The following RNF125 variants were observed in gnomAD, a reference collection of about 807,000 sequenced individuals.
RNF125 encodes E3 ubiquitin-protein ligase RNF125.
A neutral mutation model predicts 26.0 loss-of-function variants in RNF125; 21 were observed. The observed-to-expected ratio is 0.81, with a 90% CI of 0.57 to 1.16. RNF125 has a LOEUF of 1.16. Ranked by LOEUF, RNF125 falls within the 50% of genes most tolerant of loss-of-function variation. The pLI is 0.00. For synonymous variants in RNF125, 95 were observed against 109.2 expected, an observed-to-expected ratio of 0.87 and a Z score of 0.81; for missense variants, 270 against 299.4, an observed-to-expected ratio of 0.90 and a Z score of 0.72.
intron 2 of RNF125, among the ~76,000 whole-genome samples, chr18:32,041,149 A>C (rs917650398): frequency 6.6e-6 from 1 of 152,198 alleles, no homozygotes; most frequent in Non-Finnish European, 1.5e-5. Context: ...GTTTCTAATG[A>C]AACATTTAAT....
intron 4 of RNF125, among the ~76,000 whole-genome samples, chr18:32,052,415 C>G (rs2039337663): frequency 1.3e-5 from 2 of 150,808 alleles, no homozygotes; most frequent in African/African-American, 4.9e-5. Context: ...ATTGTTTGAA[C>G]CTGGGAGGTG....
intron 1 of RNF125, among the ~76,000 whole-genome samples, chr18:32,027,725 C>T (rs1173284894): frequency 2.0e-5 from 3 of 152,074 alleles, no homozygotes; most frequent in Non-Finnish European, 2.9e-5. Context: ...AAATTTTTCT[C>T]CTAAAGATTC....
chr18:32,070,657 A>G lies in RNF125; in HGVS notation c.*2273A>G, dbSNP rs2144523112. On this transcript the variant is annotated 3_prime_UTR_variant, in exon 6 of 6. Coordinates refer to ENST00000217740, the MANE Select transcript of RNF125 (RefSeq NM_017831.4). ...AAATACAACCACAAATAATATGGCAATTGAAACAATTAAAAAGTTTTCATT... is the reference window on the plus strand; with the variant it reads ...AAATACAACCACAAATAATATGGCAGTTGAAACAATTAAAAAGTTTTCATT... 1 of 152,244 alleles carries G rather than the reference A, an allele frequency of 6.6e-6. No homozygotes were observed. 9.4% of individuals were successfully genotyped at this position (152,244 alleles called of 1,614,324 possible).
At chr18:32,041,687 G>A (rs1230316043) in intron 2 of RNF125, 1 of 129,202 alleles carries the variant, frequency 7.7e-6, no homozygotes, top group Non-Finnish European at 1.6e-5. Context: ...CTGGAGTGCA[G>A]TGGCGGGATC....
chr18:32,052,144 C>T (rs147954812), intron 4 of RNF125, among the ~76,000 whole-genome samples: 9 of 151,988 alleles, frequency 5.9e-5, no homozygotes, highest in Non-Finnish European at 1.0e-4. Context: ...TGACTTGATG[C>T]GACAGTGGAG....
At chr18:32,037,754 C>A (rs1345941361) in intron 2 of RNF125, among the ~76,000 whole-genome samples, 1 of 152,088 alleles carries the variant, frequency 6.6e-6, no homozygotes, top group Non-Finnish European at 1.5e-5. Context: ...ATGCACCAAT[C>A]AGTGCTCTGT....
chr18:32,031,494 A>G (rs2039095008), intron 1 of RNF125: 1 of 149,240 alleles, frequency 6.7e-6, no homozygotes, highest in Non-Finnish European at 1.5e-5. Context: ...GGGAAAAAAA[A>G]AAAAAAAAAA....
intron 4 of RNF125, among the ~76,000 whole-genome samples, chr18:32,061,802 C>G (rs1274079492): frequency 6.6e-6 from 1 of 152,198 alleles, no homozygotes; most frequent in Non-Finnish European, 1.5e-5. Context: ...AAAGTATCTG[C>G]TTAAGTGATA....
At chr18:32,082,136 C>A in the RNF125 span, among the ~76,000 whole-genome samples, 6 of 152,032 alleles carry the variant, frequency 3.9e-5, no homozygotes, top group South Asian at 6.2e-4. Context: ...TCCCTCCTGG[C>A]AAATCAAATA....
chr18:32,042,330 T>A, intron 3 of RNF125, 57 bp downstream of exon 3: 2 of 1,097,294 alleles, frequency 1.8e-6, no homozygotes, highest in Non-Finnish European at 2.7e-6. Context: ...ATAAAGAATT[T>A]AATGGGCTGG....
At chr18:32,082,350 A>G in the RNF125 span, among the ~76,000 whole-genome samples, 2 of 152,262 alleles carry the variant, frequency 1.3e-5, no homozygotes, top group African/African-American at 4.8e-5. Flanking sequence ...ATATATATAC[A>G]TGGACACACA....
At chr18:32,079,226 G>A in the RNF125 span, among the ~76,000 whole-genome samples, 1 of 152,142 alleles carries the variant, frequency 6.6e-6, no homozygotes, top group South Asian at 2.1e-4. Context: ...TGGTGGGGAG[G>A]GAGAGAAAGA....
chr18:32,033,523 TCAA>T (rs2039120555), intron 1 of RNF125, among the ~76,000 whole-genome samples: 1 of 69,712 alleles, frequency 1.4e-5, no homozygotes, highest in Non-Finnish European at 3.3e-5. Context: ...AGACTCCACC[TCAA>T]AAAAAAAAAA....
chr18:32,055,233 AG>A (rs1455306968), intron 4 of RNF125, among the ~76,000 whole-genome samples: 1 of 150,676 alleles, frequency 6.6e-6, no homozygotes, highest in Non-Finnish European at 1.5e-5. Flanking sequence ...CAGGAGTTTG[AG>A]GCTGCAGTGA....
rs2039525724 is a variant in RNF125, at chr18:32,070,660, G to A, written c.*2276G>A. 1.3e-5 allele frequency: 2 copies of A among 151,578 alleles called. No individual in the cohort carries two copies. Among genetic ancestry groups the A allele is most frequent in the South Asian group, 4.2e-4 (2 of 4,814 alleles). 9.4% of individuals were successfully genotyped at this position (151,578 alleles called of 1,614,324 possible). A position where few individuals can be genotyped will look rare whatever the true frequency, so the allele number is the denominator to read the frequency against. ...TACAACCACAAATAATATGGCAATTGAAACAATTAAAAAGTTTTCATTTGC... is the reference window on the plus strand; with the variant it reads ...TACAACCACAAATAATATGGCAATTAAAACAATTAAAAAGTTTTCATTTGC... On this transcript the variant is annotated 3_prime_UTR_variant, in exon 6 of 6. Transcript: ENST00000217740.
chr18:32,090,678 CTCAT>C, the RNF125 span, among the ~76,000 whole-genome samples: 2 of 152,150 alleles, frequency 1.3e-5, no homozygotes, highest in African/African-American at 2.4e-5. Flanking sequence ...TTTTTTCTCT[CTCAT>C]TCTGATAGAT....
In RNF125 at chr18:32,019,039, G is replaced by C. The variant is rs757945341; in HGVS notation, c.164+12G>C. ...CGCTGTGGCCACGTGTAAGTTCCAG[G>C]GGAGCTCGGTTTGCGCCCACCCCTA... On this transcript the variant is annotated intron_variant, in intron 1 of 5. Transcript: ENST00000217740. 7 of 1,611,176 alleles carry C rather than the reference G, an allele frequency of 4.3e-6. No homozygotes were observed. In the South Asian group the frequency reaches 7.7e-5, roughly 18 times the overall value.
At chr18:32,061,704 G>A (rs1031933655) in intron 4 of RNF125, among the ~76,000 whole-genome samples, 6 of 152,110 alleles carry the variant, frequency 3.9e-5, no homozygotes, top group Admixed American at 2.6e-4. Context: ...GAGCCTTTCC[G>A]AACCCTTGGG....
At chr18:32,041,324 A>G (rs1158667885) in intron 2 of RNF125, among the ~76,000 whole-genome samples, 1 of 152,158 alleles carries the variant, frequency 6.6e-6, no homozygotes, top group Non-Finnish European at 1.5e-5. Flanking sequence ...TTGTGAATTC[A>G]TGTAATACTG....
Sources: allele counts gnomAD v4.1 joint callset (sites outside exome capture counted in the v4.1 genomes callset), GRCh38; gene constraint gnomAD v4.1.1; transcripts MANE v1.5; gene names NCBI Gene and HGNC (gene_info 2026-07-23, HGNC 2026-07-21).